The following CHN1 variants were observed in gnomAD, a reference collection of about 807,000 sequenced individuals.
CHN1 encodes chimerin 1.
In CHN1, 37 loss-of-function variants were observed where a neutral mutation model predicts 59.5. The ratio of observed to expected loss-of-function variants is 0.62; its 90% CI spans 0.48 to 0.82. The LOEUF is 0.82. Among genes scored for constraint, CHN1 ranks in the 40% least tolerant of loss-of-function variants. The pLI is 0.00. For missense variants in CHN1, 469 were observed against 571.0 expected (o/e 0.82, Z 1.82); for synonymous variants, 206 against 200.4 (o/e 1.03, Z -0.24).
intron 1 of CHN1, among the ~76,000 whole-genome samples, chr2:174,990,559 G>A (rs1488828069): frequency 2.0e-5 from 3 of 152,036 alleles, no homozygotes; most frequent in Admixed American, 6.6e-5. Context: ...TAAGTATTCT[G>A]CAAGTGTCCC....
intron 7 of CHN1, among the ~76,000 whole-genome samples, chr2:174,842,686 G>A (rs1023572670): frequency 2.6e-5 from 4 of 152,270 alleles, no homozygotes; most frequent in East Asian, 3.9e-4. Context: ...GGCCACTGCC[G>A]CCCTTCAGTT....
At chr2:174,855,431 T>C (rs1332391328) in intron 6 of CHN1, among the ~76,000 whole-genome samples, 1 of 152,164 alleles carries the variant, frequency 6.6e-6, no homozygotes, top group Non-Finnish European at 1.5e-5. Context: ...AATGTTAAAA[T>C]TGAGGCACAA....
chr2:174,874,556 T>G (rs1401367938), intron 6 of CHN1, among the ~76,000 whole-genome samples: 1 of 152,158 alleles, frequency 6.6e-6, no homozygotes, highest in Non-Finnish European at 1.5e-5. Flanking sequence ...TTCATGGCCA[T>G]GAAACCATCC....
At chr2:174,855,148 CTTAT>C (rs1335722580) in intron 6 of CHN1, among the ~76,000 whole-genome samples, 1 of 152,096 alleles carries the variant, frequency 6.6e-6, no homozygotes, top group East Asian at 1.9e-4. Flanking sequence ...AATGTCAGGA[CTTAT>C]TTATAGTCAG....
chr2:174,978,464 C>T (rs562771757), intron 1 of CHN1, among the ~76,000 whole-genome samples: 42 of 152,170 alleles, frequency 2.8e-4, no homozygotes, highest in Non-Finnish European at 3.7e-4. Context: ...GGTCTCTCTG[C>T]GTGTGGGCCC....
At chr2:174,979,082 T>C (rs1447257908) in intron 1 of CHN1, among the ~76,000 whole-genome samples, 3 of 152,194 alleles carry the variant, frequency 2.0e-5, no homozygotes, top group African/African-American at 7.2e-5. Context: ...ATAATCACAA[T>C]GCAGCATGAG....
In CHN1 at chr2:174,846,795, T is replaced by C. The variant is rs1180835819; in HGVS notation, c.627+85A>G. On this transcript the variant is annotated intron_variant, in intron 7 of 12. Coordinates refer to ENST00000409900, the MANE Select transcript of CHN1 (RefSeq NM_001822.7). Reference sequence around the variant, plus strand: ...AACATTTTAGTCAAGTCATCCTAGTTTTAAAAAGACATAAGATATTCCTTT... The same window carrying C: ...AACATTTTAGTCAAGTCATCCTAGTCTTAAAAAGACATAAGATATTCCTTT... The C allele has an allele frequency of 2.3e-6, 3 of 1,289,648 alleles. No homozygotes were observed. In the African/African-American group the frequency reaches 4.5e-5, roughly 19 times the overall value. 79.9% of individuals were successfully genotyped at this position (1,289,648 alleles called of 1,614,324 possible).
chr2:174,827,240 C>T (rs2105405617), intron 7 of CHN1, among the ~76,000 whole-genome samples: 1 of 152,272 alleles, frequency 6.6e-6, no homozygotes, highest in East Asian at 1.9e-4. Flanking sequence ...AAAACAAATA[C>T]TGATTTTCAT....
intron 8 of CHN1, among the ~76,000 whole-genome samples, chr2:174,818,532 C>T (rs1685360530): frequency 6.6e-6 from 1 of 152,036 alleles, no homozygotes; most frequent in Non-Finnish European, 1.5e-5. Flanking sequence ...CAGGGAAGCG[C>T]TATACTACAA....
At chr2:174,993,857 C>T (rs956588422) in intron 1 of CHN1, among the ~76,000 whole-genome samples, 1 of 151,984 alleles carries the variant, frequency 6.6e-6, no homozygotes, top group African/African-American at 2.4e-5. Context: ...TTTTTTAATC[C>T]ATTTAAAAAT....
chr2:174,851,384 A>T (rs1686724656), intron 6 of CHN1, among the ~76,000 whole-genome samples: 1 of 151,952 alleles, frequency 6.6e-6, no homozygotes, highest in South Asian at 2.1e-4. Context: ...GGCTCCATTG[A>T]TCCTCCCACC....
At chr2:174,888,730 T>C (rs1188910408) in intron 5 of CHN1, among the ~76,000 whole-genome samples, 2 of 152,082 alleles carry the variant, frequency 1.3e-5, no homozygotes, top group Non-Finnish European at 2.9e-5. Context: ...TTCTGGGTGA[T>C]GGGGGAGAGC....
At chr2:174,847,322 C>G in intron 6 of CHN1, 1 of 1,313,282 alleles carries the variant, frequency 7.6e-7, no homozygotes, top group East Asian at 2.8e-5. Context: ...CCAGCAAATT[C>G]TTCTTTCTTC....
rs761317793 is a variant in CHN1 at position 174,819,021 on chromosome 2, T to C, written c.712+5413A>G. 6.9e-4 allele frequency among the ~76,000 whole-genome samples: 105 copies of C among 152,328 alleles called. 1 individual carries two copies. The highest frequency in any genetic ancestry group is 1.1e-3 in the Non-Finnish European group (73 of 68,004). On this transcript the variant is annotated intron_variant, in intron 8 of 12. Transcript: ENST00000409900. ...TTGTTTTGAAACATATCTCGTTTTTTTTCCCCCAGGAAAGTGGAATAGCTT... is the reference window on the plus strand; with the variant it reads ...TTGTTTTGAAACATATCTCGTTTTTCTTCCCCCAGGAAAGTGGAATAGCTT...
intron 5 of CHN1, among the ~76,000 whole-genome samples, chr2:174,885,686 G>A (rs1687875166): frequency 6.6e-6 from 1 of 152,000 alleles, no homozygotes; most frequent in African/African-American, 2.4e-5. Context: ...GGCCAGGCTG[G>A]TCTTGAACTC....
chr2:174,884,284 T>C (rs1687828694), intron 5 of CHN1, among the ~76,000 whole-genome samples: 1 of 151,218 alleles, frequency 6.6e-6, no homozygotes, highest in African/African-American at 2.4e-5. Context: ...AAGTCTAACA[T>C]TTATAGAAAG....
chr2:174,800,205 C>T lies in CHN1; in HGVS notation c.1291G>A (p.Glu431Lys). 1 of 1,521,956 alleles carries T rather than the reference C, an allele frequency of 6.6e-7. No individual in the cohort carries two copies. Among genetic ancestry groups the T allele is most frequent in the Non-Finnish European group, 8.8e-7 (1 of 1,139,600 alleles). The allele number at this position is 1,521,956 out of a possible 1,614,324, so 94.3% of individuals were successfully genotyped here. Reference protein sequence around the residue: ...VFGPTLMRSPELDAMAALNDI... With the variant: ...VFGPTLMRSPKLDAMAALNDI... The stretch of plus-strand genomic sequence containing the variant: ...TTCAATGCAGCCATGGCGTCTAGTT[C>T]TGGAGATCTCATAAGGGTGGGTCCA... The change falls in exon 13 of 13, where the codon GAA becomes AAA. Residue 431 changes from glutamate to lysine, a missense_variant. By Grantham distance (56) the Glu-to-Lys change is moderately conservative (BLOSUM62 1). Transcript: ENST00000409900.
intron 1 of CHN1, among the ~76,000 whole-genome samples, chr2:174,990,696 C>T (rs1030308927): frequency 1.3e-5 from 2 of 152,156 alleles, no homozygotes; most frequent in African/African-American, 2.4e-5. Flanking sequence ...TGAACCGACA[C>T]GCCCAGAGAA....
At chr2:174,819,733 A>T (rs927647569) in intron 8 of CHN1, among the ~76,000 whole-genome samples, 7 of 151,770 alleles carry the variant, frequency 4.6e-5, no homozygotes, top group Admixed American at 4.6e-4. Flanking sequence ...TTACATATGT[A>T]TACATGTGCC....
Sources: allele counts gnomAD v4.1 joint callset (sites outside exome capture counted in the v4.1 genomes callset), GRCh38; gene constraint gnomAD v4.1.1; transcripts MANE v1.5; gene names NCBI Gene and HGNC (gene_info 2026-07-23, HGNC 2026-07-21).